The following MYO7A variants were observed in gnomAD, a reference collection of about 807,000 sequenced individuals.
MYO7A encodes the protein myosin VIIA.
In MYO7A, 210 loss-of-function variants were observed where a neutral mutation model predicts 263.8. The ratio of observed to expected loss-of-function variants is 0.80; its 90% CI spans 0.71 to 0.89. MYO7A has a LOEUF of 0.89. MYO7A is among the 40% of genes least tolerant of loss of function. The probability of loss-of-function intolerance (pLI) is 0.00; values close to 1 mark genes in which losing one functional copy is unlikely to be tolerated. For synonymous variants in MYO7A, 1,239 were observed against 1,197.3 expected (o/e 1.03, Z -0.72); for missense variants, 2,820 against 2,968.3 (o/e 0.95, Z 1.16).
intron 39 of MYO7A, 31 bp downstream of exon 39, chr11:77,204,260 C>T: frequency 1.9e-6 from 3 of 1,554,226 alleles, no homozygotes; most frequent in South Asian, 1.2e-5. Context: ...GGATGAGGGG[C>T]AGACCTCACC....
chr11:77,161,073 G>A lies in MYO7A; in HGVS notation c.1301G>A (p.Gly434Asp), dbSNP rs1281186014. 3 of 1,613,986 alleles carry A rather than the reference G, an allele frequency of 1.9e-6. No homozygotes were observed. Among genetic ancestry groups the A allele is most frequent in the East Asian group, 4.5e-5 (2 of 44,876 alleles). Residue 434 changes from glycine to aspartate, a missense_variant, in exon 12 of 49, where the codon GGC (glycine) becomes GAC (aspartate). Gly to Asp is a moderately conservative substitution (Grantham distance 94). Transcript: ENST00000409709. ...QDVKNSRRSI[G>D]LLDIFGFENF... ...GTGAAGAACTCTCGCAGGTCCATCG[G>A]CCTCCTGGACATCTTTGGGTTTGAG...
In MYO7A at chr11:77,138,311, T is replaced by TGGAGGACCCCGCCGACCC. The variant is rs1950993900; in HGVS notation, c.19-4397_19-4380dup. 7.7e-6 allele frequency among the ~76,000 whole-genome samples: 1 copy of TGGAGGACCCCGCCGACCC among 130,180 alleles called. No homozygotes were observed. The highest frequency in any genetic ancestry group is 3.3e-5 in the African/African-American group (1 of 30,162). 85.4% of individuals were successfully genotyped at this position (130,180 alleles called of 152,430 possible). A position where few individuals can be genotyped will look rare whatever the true frequency, so the allele number is the denominator to read the frequency against. On this transcript the variant is annotated intron_variant, in intron 2 of 48. Coordinates refer to ENST00000409709, the MANE Select transcript of MYO7A (RefSeq NM_000260.4). The surrounding 1 kb of genome is among the most constrained non-coding windows in gnomAD (Gnocchi z 4.9). ...TGCCGCCGTCGCCGTCGCAGCGCCATGGAGGACCCCGCCGACCCTGCCGAC... is the reference window on the plus strand; with the variant it reads ...TGCCGCCGTCGCCGTCGCAGCGCCATGGAGGACCCCGCCGACCCGGAGGACCCCGCCGACCCTGCCGAC...
intron 27 of MYO7A, 62 bp downstream of exon 27, chr11:77,184,777 CT>C: frequency 6.4e-7 from 1 of 1,574,152 alleles, no homozygotes; most frequent in Non-Finnish European, 8.6e-7. Context: ...AGTGGTGCCT[CT>C]GTCAACCTAG....
At chr11:77,145,441 T>C (rs1951495178) in intron 3 of MYO7A, among the ~76,000 whole-genome samples, 1 of 152,152 alleles carries the variant, frequency 6.6e-6, no homozygotes, top group Non-Finnish European at 1.5e-5. Flanking sequence ...GGCTGAGCAC[T>C]GTCAACCTGT....
Position 77,162,951 on chromosome 11 carries a change from C to T in MYO7A, c.1653C>T (p.Ile551=). Residue 551 remains isoleucine (I), a synonymous_variant, in exon 14 of 49, where the codon ATC becomes ATT. Transcript: ENST00000409709. ...PKNNHETQFG[I]NHFAGIVYYE... ...ACAACCATGAGACCCAGTTTGGCAT[C>T]AACCATTTTGCAGGCATCGTCTACT... 1 of 1,613,882 alleles carries T rather than the reference C, an allele frequency of 6.2e-7. No homozygotes were observed. The highest frequency in any genetic ancestry group is 1.1e-5 in the South Asian group (1 of 91,054).
At chr11:77,203,255 G>A in intron 38 of MYO7A, 38 bp downstream of exon 38, 1 of 1,540,648 alleles carries the variant, frequency 6.5e-7, no homozygotes, top group Non-Finnish European at 8.8e-7. Context: ...GGGAGCCAGG[G>A]ACCGGGCAGG....
chr11:77,211,436 G>A (rs747513284), intron 45 of MYO7A, 99 bp downstream of exon 45: 7 of 1,319,478 alleles, frequency 5.3e-6, no homozygotes, highest in Admixed American at 2.4e-5. Context: ...GCCCAGGGAG[G>A]TGCATCTTGT....
chr11:77,190,008 C>T lies in MYO7A; in HGVS notation c.3631-12C>T. On this transcript the variant is annotated splice_polypyrimidine_tract_variant and intron_variant, in intron 28 of 48. Transcript: ENST00000409709. ...GCCCCAGGGGCCGCCTCAGCGGGTACTCTGGCTGCAGTACCTGCGGAACTT... is the reference window on the plus strand; with the variant it reads ...GCCCCAGGGGCCGCCTCAGCGGGTATTCTGGCTGCAGTACCTGCGGAACTT... 2.0e-6 allele frequency: 3 copies of T among 1,529,298 alleles called. No homozygotes were observed. Among genetic ancestry groups the T allele is most frequent in the Non-Finnish European group, 2.6e-6 (3 of 1,135,154 alleles). The allele number at this position is 1,529,298 out of a possible 1,614,324, so 94.7% of individuals were successfully genotyped here. A position where few individuals can be genotyped will look rare whatever the true frequency, so the allele number is the denominator to read the frequency against.
At chr11:77,134,405 CATTT>C (rs1224536005) in intron 2 of MYO7A, among the ~76,000 whole-genome samples, 1 of 152,058 alleles carries the variant, frequency 6.6e-6, no homozygotes, top group Non-Finnish European at 1.5e-5. Flanking sequence ...TTATGTTATA[CATTT>C]GTCTTTTAAA....
chr11:77,158,440 C>G lies in MYO7A; in HGVS notation c.1003+10C>G, dbSNP rs782382971. The G allele has an allele frequency of 6.2e-7, 1 of 1,608,488 alleles. No individual in the cohort carries two copies. Among genetic ancestry groups the G allele is most frequent in the Non-Finnish European group, 8.5e-7 (1 of 1,178,456 alleles). ...AACCTGCAGTATGAGGGTGAGGCTG[C>G]GCCACACTCGCCCTGCCCCACCCCT... On this transcript the variant is annotated intron_variant, in intron 9 of 48. Transcript: ENST00000409709.
intron 24 of MYO7A, 36 bp downstream of exon 24, chr11:77,182,190 G>C (rs946411882): frequency 2.5e-6 from 4 of 1,609,934 alleles, no homozygotes; most frequent in Middle Eastern, 1.7e-4. Flanking sequence ...CTGCTGGGTG[G>C]GGCCAGGGCT....
At chr11:77,213,338 G>T (rs144270492) in intron 47 of MYO7A, among the ~76,000 whole-genome samples, 1 of 152,230 alleles carries the variant, frequency 6.6e-6, no homozygotes, top group African/African-American at 2.4e-5. Context: ...CTGTGCAGGG[G>T]TGACCGTGCA....
In MYO7A at chr11:77,142,744, G is replaced by A; in HGVS notation, c.54G>A (p.Gln18=). Residue 18 remains glutamine (Q), a synonymous_variant, in exon 3 of 49, where the codon CAG becomes CAA. Coordinates refer to ENST00000409709, the MANE Select transcript of MYO7A (RefSeq NM_000260.4). ...TGTGGATGGACCTGAGATTGGGGCA[G>A]GAGTTCGACGTGCCCATCGGGGCGG... ...DHVWMDLRLG[Q]EFDVPIGAVV... 6.2e-7 allele frequency: 1 copy of A among 1,611,938 alleles called. No homozygotes were observed. Among genetic ancestry groups the A allele is most frequent in the Non-Finnish European group, 8.5e-7 (1 of 1,179,172 alleles).
intron 3 of MYO7A, among the ~76,000 whole-genome samples, chr11:77,143,821 C>T (rs1555052195): frequency 1.3e-5 from 2 of 152,130 alleles, no homozygotes; most frequent in Non-Finnish European, 1.5e-5. Flanking sequence ...GGACTTGAAA[C>T]TGAGGCTCTG....
At position 77,212,993 on chromosome 11, in the gene MYO7A, C is replaced by T; in HGVS notation, c.6396C>T (p.Ala2132=). 2 of 1,595,262 alleles carry T rather than the reference C, an allele frequency of 1.3e-6. No individual in the cohort carries two copies. Among genetic ancestry groups the T allele is most frequent in the Non-Finnish European group, 1.7e-6 (2 of 1,170,404 alleles). ...EPNFPEILLI[A]INKYGVSLID... is the part of the protein sequence containing the mutation. ...ACTTCCCTGAGATCCTCCTAATTGC[C>T]ATCAACAAGTATGGGGTCAGCCTCA... The change falls in exon 47 of 49, where the codon GCC becomes GCT. Residue 2132 remains alanine, a synonymous_variant. Transcript: ENST00000409709.
At chr11:77,177,711 C>A in intron 19 of MYO7A, 68 bp downstream of exon 19, 1 of 1,339,824 alleles carries the variant, frequency 7.5e-7, no homozygotes, top group Non-Finnish European at 1.0e-6. Flanking sequence ...GTTTGGCTCT[C>A]CTCTGCTCTG....
chr11:77,160,417 C>G, intron 11 of MYO7A, 135 bp downstream of exon 11: 1 of 1,315,096 alleles, frequency 7.6e-7, no homozygotes, highest in East Asian at 2.6e-5. Context: ...GGGCTGCAGT[C>G]GGCCTTCCTT....
At chr11:77,148,016 AC>A (rs1951705401) in intron 4 of MYO7A, 66 bp downstream of exon 4, 2 of 1,164,816 alleles carry the variant, frequency 1.7e-6, no homozygotes, top group South Asian at 1.7e-5. Flanking sequence ...ACCTCGCCCC[AC>A]CCCGCCCGAC....
intron 46 of MYO7A, chr11:77,212,386 T>C (rs538369617): frequency 5.6e-6 from 2 of 358,242 alleles, no homozygotes; most frequent in African/African-American, 4.3e-5. Context: ...GAAATCCAAG[T>C]AGTGAGGGCA....
Sources: gnomAD v4.1 joint callset for allele counts (sites outside exome capture counted in the v4.1 genomes callset) on GRCh38, gnomAD v4.1.1 for gene constraint, Gnocchi (gnomAD v3.1) non-coding constraint, MANE v1.5 for transcripts, NCBI Gene and HGNC (gene_info 2026-07-23, HGNC 2026-07-21) for gene names.